Variants in TENM3 observed in about 807,000 individuals in gnomAD.
TENM3 encodes teneurin-3.
In TENM3, 63 loss-of-function variants were observed where a neutral mutation model predicts 255.1. The observed-to-expected ratio is 0.25, with a 90% confidence interval of 0.20 to 0.30. The LOEUF (loss-of-function observed/expected upper bound fraction) is 0.30. Among genes scored for constraint, TENM3 ranks in the 10% least tolerant of loss-of-function variants. The pLI, the probability that TENM3 is intolerant of heterozygous loss-of-function variation, is 1.00. For synonymous variants in TENM3, 1,306 were observed against 1,322.3 expected (o/e 0.99, Z 0.27); for missense variants, 2,929 against 3,461.1 (o/e 0.85, Z 3.86).
the TENM3 span, among the ~76,000 whole-genome samples, chr4:181,454,684 T>A: frequency 6.7e-6 from 1 of 149,988 alleles, no homozygotes; most frequent in Non-Finnish European, 1.5e-5. Flanking sequence ...TTTTTATACT[T>A]TTTTTTTCTG....
the TENM3 span, among the ~76,000 whole-genome samples, chr4:181,663,724 G>T: frequency 6.6e-6 from 1 of 152,200 alleles, no homozygotes; most frequent in South Asian, 2.1e-4. Context: ...AGGAATGAGG[G>T]GTGGAAAGAA....
chr4:182,562,793 C>T (rs1348856033), intron 3 of TENM3, among the ~76,000 whole-genome samples: 1 of 152,134 alleles, frequency 6.6e-6, no homozygotes, highest in Non-Finnish European at 1.5e-5. Flanking sequence ...AACACAACAA[C>T]ACCGTGCCTA....
At chr4:181,972,470 C>T in the TENM3 span, among the ~76,000 whole-genome samples, 1,746 of 151,190 alleles carry the variant, frequency 0.012, 11 homozygotes, top group Non-Finnish European at 0.018. Flanking sequence ...AAACTCATTC[C>T]TCCATTATTA....
rs930601051 is a variant in TENM3 at position 182,731,706 on chromosome 4, T to G, written c.2967+567T>G. On this transcript the variant is annotated intron_variant, in intron 16 of 27. Coordinates refer to ENST00000511685, the MANE Select transcript of TENM3 (RefSeq NM_001080477.4). Reference sequence around the variant, plus strand: ...TAGTGGGTGTTGGGGTGTGTGTGTGTGTGTGTGTGTGTGTGTGTGTGTGTG... The same window carrying G: ...TAGTGGGTGTTGGGGTGTGTGTGTGGGTGTGTGTGTGTGTGTGTGTGTGTG... Among the ~76,000 whole-genome samples, 621 of 143,478 alleles carry G rather than the reference T, an allele frequency of 4.3e-3. 2 individuals are homozygous for G. The highest frequency in any genetic ancestry group is 0.015 in the African/African-American group (547 of 37,612). The allele number at this position is 143,478 out of a possible 152,430, so 94.1% of individuals were successfully genotyped here.
chr4:181,457,151 T>A, the TENM3 span, among the ~76,000 whole-genome samples: 1 of 151,856 alleles, frequency 6.6e-6, no homozygotes, highest in Admixed American at 6.6e-5. Context: ...TAGTATTTTA[T>A]ATTAGAAAAA....
chr4:181,826,096 G>C, the TENM3 span, among the ~76,000 whole-genome samples: 1 of 152,120 alleles, frequency 6.6e-6, no homozygotes, highest in African/African-American at 2.4e-5. Context: ...TTTGTTAGTA[G>C]TGGGTTTATT....
chr4:182,335,457 C>A (rs34653995), intron 2 of TENM3, among the ~76,000 whole-genome samples: 5,718 of 115,162 alleles, frequency 0.05, 385 homozygotes, highest in African/African-American at 0.13. Flanking sequence ...ATCGCGCCAC[C>A]GCACTCCAGC....
chr4:181,826,284 G>A, the TENM3 span, among the ~76,000 whole-genome samples: 4 of 152,042 alleles, frequency 2.6e-5, no homozygotes, highest in South Asian at 6.2e-4. Flanking sequence ...GAGAAAAAGT[G>A]GCCACTAGTT....
chr4:182,390,229 A>G (rs960506605), intron 3 of TENM3, among the ~76,000 whole-genome samples: 11 of 152,178 alleles, frequency 7.2e-5, no homozygotes, highest in Admixed American at 5.2e-4. Context: ...TTGACAGACC[A>G]TGGCAAGTCT....
At chr4:181,669,983 C>T in the TENM3 span, among the ~76,000 whole-genome samples, 4 of 152,022 alleles carry the variant, frequency 2.6e-5, no homozygotes, top group Admixed American at 2.0e-4. Flanking sequence ...ATGATTATTC[C>T]GTTAAAGGGC....
At chr4:181,545,950 G>A in the TENM3 span, among the ~76,000 whole-genome samples, 1 of 152,116 alleles carries the variant, frequency 6.6e-6, no homozygotes, top group Admixed American at 6.6e-5. Flanking sequence ...CAGAAAAAGT[G>A]CACATATATG....
At chr4:182,164,481 G>A (rs774582326) in intron 1 of TENM3, among the ~76,000 whole-genome samples, 2 of 152,092 alleles carry the variant, frequency 1.3e-5, no homozygotes, top group Non-Finnish European at 2.9e-5. Context: ...GGATTTGCAC[G>A]GTGACTTCCA....
At chr4:182,747,621 A>G (rs1043719615) in intron 19 of TENM3, among the ~76,000 whole-genome samples, 1 of 152,216 alleles carries the variant, frequency 6.6e-6, no homozygotes, top group African/African-American at 2.4e-5. Context: ...TAAAAATTAC[A>G]TTAATTAACT....
chr4:181,518,176 T>C, the TENM3 span, among the ~76,000 whole-genome samples: 1 of 152,216 alleles, frequency 6.6e-6, no homozygotes, highest in Non-Finnish European at 1.5e-5. Flanking sequence ...GAGGTACCTG[T>C]GGAAGAAACT....
the TENM3 span, chr4:182,012,876 T>C: frequency 6.6e-6 from 1 of 152,200 alleles, no homozygotes; most frequent in Non-Finnish European, 1.5e-5. Flanking sequence ...CCTAAAAATA[T>C]CTGTTTTATT....
At chr4:181,721,440 C>CAA in the TENM3 span, among the ~76,000 whole-genome samples, 130 of 141,322 alleles carry the variant, frequency 9.2e-4, no homozygotes, top group Admixed American at 1.4e-3. Flanking sequence ...ACTAAAAATA[C>CAA]AAAAAAAAAA....
chr4:181,594,007 T>C, the TENM3 span, among the ~76,000 whole-genome samples: 18 of 150,246 alleles, frequency 1.2e-4, no homozygotes, highest in South Asian at 4.2e-4. Context: ...TTTTTTTTTT[T>C]ATAATGAAAT....
At chr4:181,556,248 T>A in the TENM3 span, among the ~76,000 whole-genome samples, 1 of 152,184 alleles carries the variant, frequency 6.6e-6, no homozygotes, top group Non-Finnish European at 1.5e-5. Context: ...TCCCTATATC[T>A]TCAGTACCTG....
chr4:181,465,774 C>G, the TENM3 span, among the ~76,000 whole-genome samples: 2 of 152,182 alleles, frequency 1.3e-5, no homozygotes, highest in Admixed American at 1.3e-4. Context: ...ACTTTAGTAG[C>G]GCTTACAGTG....
Sources: allele counts gnomAD v4.1 joint callset (sites outside exome capture counted in the v4.1 genomes callset), GRCh38; gene constraint gnomAD v4.1.1; transcripts MANE v1.5; gene names NCBI Gene and HGNC (gene_info 2026-07-23, HGNC 2026-07-21).